BLTP3B: variants seen among roughly 807,000 people sequenced by gnomAD.
BLTP3B encodes bridge-like lipid transfer protein family member 3B, also known as UHRF1 (ICBP90) binding protein 1-like.
At chr12:100,081,072 A>T in the BLTP3B span, among the ~76,000 whole-genome samples, 1 of 152,080 alleles carries the variant, frequency 6.6e-6, no homozygotes, top group Admixed American at 6.6e-5. Flanking sequence ...TGCCATCCAC[A>T]TAAGATGTGA....
chr12:100,064,880 T>A, the BLTP3B span, among the ~76,000 whole-genome samples: 5 of 147,442 alleles, frequency 3.4e-5, no homozygotes, highest in East Asian at 4.0e-4. Context: ...AAAAAAAAAA[T>A]TAAAAAATTA....
At chr12:100,142,047 C>T in the BLTP3B span, among the ~76,000 whole-genome samples, 2,110 of 152,304 alleles carry the variant, frequency 0.014, 18 homozygotes, top group Non-Finnish European at 0.021. Flanking sequence ...ACAGGCACAC[C>T]CTCTGATGCC....
At chr12:100,086,372 A>T in the BLTP3B span, 1 of 439,226 alleles carries the variant, frequency 2.3e-6, no homozygotes, top group Non-Finnish European at 4.2e-6. Context: ...GGAAAAAAAA[A>T]GGGGGGGGGG....
At chr12:100,124,058 A>C in the BLTP3B span, among the ~76,000 whole-genome samples, 2 of 152,146 alleles carry the variant, frequency 1.3e-5, no homozygotes, top group South Asian at 4.2e-4. Context: ...TGAAGCTAGG[A>C]GTTCAAGATC....
chr12:100,043,250 A>T, the BLTP3B span, among the ~76,000 whole-genome samples: 32,632 of 152,182 alleles, frequency 0.21, 4,665 homozygotes, highest in African/African-American at 0.4. Context: ...GAACCCAATC[A>T]GCAATATATT....
the BLTP3B span, among the ~76,000 whole-genome samples, chr12:100,124,726 A>G: frequency 6.6e-6 from 1 of 150,714 alleles, no homozygotes; most frequent in South Asian, 2.1e-4. Context: ...AGCCTGAGAA[A>G]CAGAGTGAGA....
the BLTP3B span, among the ~76,000 whole-genome samples, chr12:100,094,159 C>T: frequency 2.0e-5 from 3 of 152,146 alleles, no homozygotes; most frequent in Non-Finnish European, 4.4e-5. Flanking sequence ...CACTCTGTTA[C>T]GCAGGCTGAA....
At chr12:100,119,476 T>C in the BLTP3B span, among the ~76,000 whole-genome samples, 1 of 152,280 alleles carries the variant, frequency 6.6e-6, no homozygotes, top group Admixed American at 6.5e-5. Context: ...GTAGAAGACC[T>C]AGAATATCCA....
the BLTP3B span, among the ~76,000 whole-genome samples, chr12:100,042,053 A>C: frequency 1.3e-5 from 2 of 152,234 alleles, no homozygotes; most frequent in African/African-American, 2.4e-5. Flanking sequence ...TTAACAAAAG[A>C]AGCACAAAAC....
the BLTP3B span, among the ~76,000 whole-genome samples, chr12:100,130,972 AG>A: frequency 9.6e-6 from 1 of 104,386 alleles, no homozygotes; most frequent in Non-Finnish European, 1.8e-5. Flanking sequence ...AGAGAGAGAG[AG>A]AGAGGGAGGG....
chr12:100,075,170 C>T, the BLTP3B span, among the ~76,000 whole-genome samples: 1 of 151,998 alleles, frequency 6.6e-6, no homozygotes, highest in Non-Finnish European at 1.5e-5. Flanking sequence ...CACCACCACG[C>T]CCAGCTAAGT....
the BLTP3B span, among the ~76,000 whole-genome samples, chr12:100,106,420 C>A: frequency 6.6e-6 from 1 of 152,132 alleles, no homozygotes; most frequent in Non-Finnish European, 1.5e-5. Flanking sequence ...GAATACTACT[C>A]AGCCATAAAA....
At chr12:100,057,799 T>TA in the BLTP3B span, 1 of 1,468,212 alleles carries the variant, frequency 6.8e-7, no homozygotes, top group Non-Finnish European at 9.1e-7. Context: ...GAATTCTATC[T>TA]AAAAAATACT....
At chr12:100,086,205 T>A in the BLTP3B span, 1 of 1,016,922 alleles carries the variant, frequency 9.8e-7, no homozygotes, top group Non-Finnish European at 1.4e-6. Flanking sequence ...AAGATAAAAC[T>A]AAACTAAATA....
At chr12:100,059,823 C>A in the BLTP3B span, 2 of 1,578,046 alleles carry the variant, frequency 1.3e-6, no homozygotes, top group South Asian at 1.2e-5. Context: ...AAAATTAAAT[C>A]ATTACTACTA....
chr12:100,126,109 A>C, the BLTP3B span, among the ~76,000 whole-genome samples: 11 of 152,184 alleles, frequency 7.2e-5, no homozygotes, highest in African/African-American at 2.7e-4. Flanking sequence ...TAAAATAAAG[A>C]AAATAGTAAA....
chr12:100,058,497 T>C, the BLTP3B span: 7 of 1,613,408 alleles, frequency 4.3e-6, no homozygotes, highest in Non-Finnish European at 5.9e-6. Flanking sequence ...GTCTGACATA[T>C]GATTAACAGT....
chr12:100,139,563 A>C, the BLTP3B span, among the ~76,000 whole-genome samples: 1 of 152,122 alleles, frequency 6.6e-6, no homozygotes, highest in Non-Finnish European at 1.5e-5. Context: ...CACCACATTT[A>C]TTTAATGATT....
the BLTP3B span, among the ~76,000 whole-genome samples, chr12:100,136,498 T>G: frequency 6.6e-6 from 1 of 152,186 alleles, no homozygotes. Context: ...GTATCTCTAA[T>G]GCCCACTATG....
Sources: allele counts gnomAD v4.1 joint callset (sites outside exome capture counted in the v4.1 genomes callset), GRCh38; gene constraint gnomAD v4.1.1; transcripts MANE v1.5; gene names NCBI Gene and HGNC (gene_info 2026-07-23, HGNC 2026-07-21).